DGKB: variants seen among roughly 807,000 people sequenced by gnomAD.
The protein encoded by DGKB is 90 kDa diacylglycerol kinase.
Under a neutral mutation model 114.3 loss-of-function variants are expected in DGKB, and 67 were observed. The ratio of observed to expected loss-of-function variants is 0.59; its 90% CI spans 0.48 to 0.72. The LOEUF (loss-of-function observed/expected upper bound fraction) is 0.72. Ranked by LOEUF, DGKB falls within the 30% of genes least tolerant of loss-of-function variation. The probability of loss-of-function intolerance (pLI) is 0.00; values close to 1 mark genes in which losing one functional copy is unlikely to be tolerated. For synonymous variants in DGKB, 398 were observed against 323.1 expected (o/e 1.23, Z -2.49); for missense variants, 907 against 975.2 (o/e 0.93, Z 0.93).
At position 14,672,874 on chromosome 7, in the gene DGKB, T is replaced by C. The variant is rs1338547280; in HGVS notation, c.1134+55A>G. ...TCTAGAAGCTTTTAATGGTATACGA[T>C]ACTGATAAGTCACAGCAATCCTAAG... On this transcript the variant is annotated intron_variant, in intron 13 of 25. Coordinates refer to ENST00000402815, the MANE Select transcript of DGKB (RefSeq NM_001350709.2). 1.0e-5 allele frequency: 11 copies of C among 1,051,182 alleles called. No individual in the cohort carries two copies. The Admixed American group carries it at 1.9e-4, about 18-fold the overall frequency. 65.1% of individuals were successfully genotyped at this position (1,051,182 alleles called of 1,614,324 possible). A position where few individuals can be genotyped will look rare whatever the true frequency, so the allele number is the denominator to read the frequency against.
intron 1 of DGKB, among the ~76,000 whole-genome samples, chr7:14,880,841 G>C (rs1380718607): frequency 1.3e-5 from 2 of 152,006 alleles, no homozygotes; most frequent in East Asian, 1.9e-4. Flanking sequence ...ATAATATATA[G>C]GGAATAATGT....
intron 15 of DGKB, among the ~76,000 whole-genome samples, chr7:14,618,915 C>T (rs575363833): frequency 6.6e-6 from 1 of 151,294 alleles, no homozygotes; most frequent in African/African-American, 2.4e-5. Context: ...AAAAAATTAA[C>T]TTTATGGTAG....
intron 1 of DGKB, among the ~76,000 whole-genome samples, chr7:14,973,439 TG>T (rs1483431980): frequency 6.6e-6 from 1 of 151,738 alleles, no homozygotes; most frequent in African/African-American, 2.4e-5. Flanking sequence ...CAATAACATA[TG>T]GATTGAAAAT....
rs1847885854 is a variant in DGKB, at chr7:14,841,185, A to C, written c.70+9T>G. The C allele has an allele frequency of 6.2e-7, 1 of 1,605,788 alleles. No individual in the cohort carries two copies. On this transcript the variant is annotated intron_variant, in intron 2 of 25. Coordinates refer to ENST00000402815, the MANE Select transcript of DGKB (RefSeq NM_001350709.2). ...CAAATAATCTCATAATATCAATATG[A>C]ATACTTACACTCAGCATATTTCTGA...
chr7:14,247,829 T>C (rs906354232), intron 23 of DGKB, among the ~76,000 whole-genome samples: 3 of 152,160 alleles, frequency 2.0e-5, no homozygotes, highest in African/African-American at 7.2e-5. Context: ...TTTCTTTTGC[T>C]GTGCAGAGAT....
At chr7:14,427,699 C>T (rs1045994165) in intron 21 of DGKB, among the ~76,000 whole-genome samples, 18 of 152,060 alleles carry the variant, frequency 1.2e-4, no homozygotes, top group African/African-American at 1.7e-4. Context: ...AGAGCTTGTG[C>T]GGGGAAATTC....
intron 2 of DGKB, among the ~76,000 whole-genome samples, chr7:14,820,942 C>T (rs967133105): frequency 3.3e-5 from 5 of 152,160 alleles, no homozygotes; most frequent in Non-Finnish European, 5.9e-5. Flanking sequence ...TTAGACCAGG[C>T]TTTTTAGAAA....
At chr7:14,263,508 A>G (rs958062124) in intron 23 of DGKB, among the ~76,000 whole-genome samples, 1 of 152,132 alleles carries the variant, frequency 6.6e-6, no homozygotes, top group Admixed American at 6.5e-5. Flanking sequence ...GTTTCTGTAC[A>G]TGACATGCTC....
At chr7:14,908,384 C>T (rs577204890) in intron 1 of DGKB, among the ~76,000 whole-genome samples, 2 of 152,208 alleles carry the variant, frequency 1.3e-5, no homozygotes, top group South Asian at 4.1e-4. Context: ...GAGCCCTGCA[C>T]ACAGAAGGCA....
intron 20 of DGKB, among the ~76,000 whole-genome samples, chr7:14,567,823 C>A (rs1584869752): frequency 6.6e-6 from 1 of 151,314 alleles, no homozygotes; most frequent in Non-Finnish European, 1.5e-5. Flanking sequence ...ACCAGGCTGG[C>A]CTTGAACTCC....
At chr7:14,703,218 T>C (rs1425244338) in intron 6 of DGKB, among the ~76,000 whole-genome samples, 2 of 152,188 alleles carry the variant, frequency 1.3e-5, no homozygotes, top group African/African-American at 4.8e-5. Flanking sequence ...AAGGCAAATA[T>C]CTAGAAAAGC....
chr7:14,970,438 A>T (rs188205355), intron 1 of DGKB, among the ~76,000 whole-genome samples: 9 of 152,264 alleles, frequency 5.9e-5, no homozygotes, highest in Admixed American at 5.2e-4. Context: ...TGAGGCAGAA[A>T]CAGGTTTGGC....
At chr7:14,838,746 C>A (rs1252656055) in intron 2 of DGKB, among the ~76,000 whole-genome samples, 2 of 152,182 alleles carry the variant, frequency 1.3e-5, no homozygotes, top group Admixed American at 6.5e-5. Context: ...TCAAAGTAAA[C>A]TTCTCGAAGC....
At chr7:14,617,118 C>T (rs553022393) in intron 15 of DGKB, among the ~76,000 whole-genome samples, 1 of 151,818 alleles carries the variant, frequency 6.6e-6, no homozygotes, top group South Asian at 2.1e-4. Context: ...CTTTAATGAT[C>T]TCATCTTATC....
In DGKB at chr7:14,392,995, G is replaced by GTTTTTGTTT; in HGVS notation, c.1836-47605_1836-47604insAAACAAAAA. Reference sequence around the variant, plus strand: ...CAAAACAGACCTGTTTTTTGTTTTTGTTTTTTTTTTTTTGAGACGGAGTCT... The same window carrying GTTTTTGTTT: ...CAAAACAGACCTGTTTTTTGTTTTTGTTTTTGTTTTTTTTTTTTTTTTGAGACGGAGTCT... On this transcript the variant is annotated intron_variant, in intron 21 of 25. Transcript: ENST00000402815. Among the ~76,000 whole-genome samples the GTTTTTGTTT allele has an allele frequency of 8.3e-5, 5 of 60,544 alleles. No individual in the cohort carries two copies. The East Asian group carries it at 1.6e-3, about 19-fold the overall frequency. The allele number at this position is 60,544 out of a possible 152,430, so 39.7% of individuals were successfully genotyped here. A position where few individuals can be genotyped will look rare whatever the true frequency, so the allele number is the denominator to read the frequency against.
At chr7:14,921,054 T>C (rs1784489734) in intron 1 of DGKB, among the ~76,000 whole-genome samples, 1 of 152,130 alleles carries the variant, frequency 6.6e-6, no homozygotes, top group Non-Finnish European at 1.5e-5. Context: ...GTCACCTGGG[T>C]AATGAGCATA....
intron 23 of DGKB, among the ~76,000 whole-genome samples, chr7:14,226,865 T>C (rs1051970564): frequency 5.9e-5 from 9 of 152,080 alleles, no homozygotes; most frequent in African/African-American, 1.7e-4. Flanking sequence ...AATTACATAA[T>C]TTTAAAGCTA....
intron 2 of DGKB, among the ~76,000 whole-genome samples, chr7:14,778,356 GT>G (rs141596824): frequency 8.0e-5 from 12 of 150,478 alleles, no homozygotes; most frequent in African/African-American, 2.2e-4. Context: ...CTGTTTTCTT[GT>G]TTTTTTTTCA....
intron 23 of DGKB, among the ~76,000 whole-genome samples, chr7:14,324,121 T>C (rs1489753622): frequency 6.6e-6 from 1 of 152,146 alleles, no homozygotes; most frequent in Non-Finnish European, 1.5e-5. Context: ...TGATCATTTA[T>C]GGGAAAAGAG....
Sources: allele counts gnomAD v4.1 joint callset (sites outside exome capture counted in the v4.1 genomes callset), GRCh38; gene constraint gnomAD v4.1.1; transcripts MANE v1.5; gene names NCBI Gene and HGNC (gene_info 2026-07-23, HGNC 2026-07-21).